The following WDFY4 variants were observed in gnomAD, a reference collection of about 807,000 sequenced individuals.
The protein encoded by WDFY4 is WDFY family member 4.
Under a neutral mutation model 351.9 loss-of-function variants are expected in WDFY4, and 169 were observed. That is an observed-to-expected ratio of 0.48 (90% CI 0.42 to 0.55). WDFY4 has a LOEUF of 0.55. Ranked by LOEUF, WDFY4 falls within the 20% of genes least tolerant of loss-of-function variation. The pLI, the probability that WDFY4 is intolerant of heterozygous loss-of-function variation, is 0.00. For synonymous variants in WDFY4, 1,622 were observed against 1,574.6 expected, an observed-to-expected ratio of 1.03 and a Z score of -0.71; for missense variants, 3,803 against 3,935.6, an observed-to-expected ratio of 0.97 and a Z score of 0.90.
chr10:48,813,846 TC>T, intron 30 of WDFY4, 110 bp from the exon 31 acceptor site: 1 of 1,295,388 alleles, frequency 7.7e-7, no homozygotes, highest in Non-Finnish European at 1.0e-6. Flanking sequence ...GCCAGTGTGC[TC>T]TTTTGCTTTT....
At chr10:48,715,533 C>T (rs1445890148) in intron 2 of WDFY4, among the ~76,000 whole-genome samples, 1 of 152,196 alleles carries the variant, frequency 6.6e-6, no homozygotes, top group Non-Finnish European at 1.5e-5. Context: ...TATGATTGAT[C>T]ATTCTTGTAA....
chr10:48,735,349 T>C (rs2064620589), intron 10 of WDFY4, among the ~76,000 whole-genome samples: 2 of 152,248 alleles, frequency 1.3e-5, no homozygotes, highest in South Asian at 2.1e-4. Context: ...ATTAAATATA[T>C]TCTTAGCTTA....
intron 9 of WDFY4, among the ~76,000 whole-genome samples, chr10:48,732,968 G>C (rs966426364): frequency 8.5e-5 from 13 of 152,232 alleles, no homozygotes; most frequent in African/African-American, 3.1e-4. Flanking sequence ...AATATTTTAT[G>C]AGTTGCTTTC....
chr10:48,839,664 G>A (rs2068528620), intron 39 of WDFY4, among the ~76,000 whole-genome samples: 1 of 152,102 alleles, frequency 6.6e-6, no homozygotes, highest in Admixed American at 6.5e-5. Context: ...AAAAGACAAG[G>A]GAGACTCAGA....
chr10:48,933,868 G>T (rs1840184556), intron 47 of WDFY4, among the ~76,000 whole-genome samples: 1 of 152,096 alleles, frequency 6.6e-6, no homozygotes, highest in South Asian at 2.1e-4. Flanking sequence ...TAGGAAGGGA[G>T]AAAGGGCCTG....
chr10:48,809,423 A>G (rs371896329), intron 28 of WDFY4, among the ~76,000 whole-genome samples: 26 of 151,672 alleles, frequency 1.7e-4, no homozygotes, highest in African/African-American at 6.3e-4. Flanking sequence ...CATCACCACA[A>G]CATTAATCAC....
In WDFY4 at chr10:48,976,820, A is replaced by G; in HGVS notation, c.9132A>G (p.Gly3044=). 6.7e-7 allele frequency: 1 copy of G among 1,494,156 alleles called. No individual in the cohort carries two copies. The highest frequency in any genetic ancestry group is 9.0e-7 in the Non-Finnish European group (1 of 1,115,172). 92.6% of individuals were successfully genotyped at this position (1,494,156 alleles called of 1,614,324 possible). Residue 3044 remains glycine (G), a synonymous_variant, in exon 59 of 62, where the codon GGA becomes GGG. Coordinates refer to ENST00000325239, the MANE Select transcript of WDFY4 (RefSeq NM_001394531.1). ...AGGGCACCATTGTCTCCTGTGCGGGAGCACACTTGTCCCTGTGGAATGTCA... is the reference window on the plus strand; with the variant it reads ...AGGGCACCATTGTCTCCTGTGCGGGGGCACACTTGTCCCTGTGGAATGTCA... ...DVSGTIVSCA[G]AHLSLWNVNG...
At chr10:48,761,270 C>T (rs939581064) in intron 13 of WDFY4, among the ~76,000 whole-genome samples, 6 of 152,162 alleles carry the variant, frequency 3.9e-5, no homozygotes, top group Non-Finnish European at 7.3e-5. Flanking sequence ...TTCTGGGAGC[C>T]TTGCCAATGT....
At chr10:48,768,580 C>T (rs950140210) in intron 13 of WDFY4, among the ~76,000 whole-genome samples, 5 of 152,120 alleles carry the variant, frequency 3.3e-5, no homozygotes, top group Admixed American at 2.0e-4. Flanking sequence ...GGGTTAGGCG[C>T]GCCTATTGTG....
chr10:48,756,410 TTTA>T (rs2065338818), intron 12 of WDFY4, among the ~76,000 whole-genome samples: 1 of 152,030 alleles, frequency 6.6e-6, no homozygotes, highest in Non-Finnish European at 1.5e-5. Context: ...AGTTTTTTTT[TTTA>T]TGGATTCCTT....
At position 48,910,551 on chromosome 10, in the gene WDFY4, G is replaced by A. The variant is rs58115027; in HGVS notation, c.7586+8688G>A. 1.1e-3 allele frequency among the ~76,000 whole-genome samples: 174 copies of A among 152,304 alleles called. 1 individual carries two copies. The highest frequency in any genetic ancestry group is 3.5e-3 in the African/African-American group (145 of 41,556). ...TTGGCAGAAAAAGAAATAGAATGCG[G>A]AAGATGCCTCCTAACTGGTCTCTAT... On this transcript the variant is annotated intron_variant, in intron 47 of 61. Coordinates refer to ENST00000325239, the MANE Select transcript of WDFY4 (RefSeq NM_001394531.1).
At chr10:48,939,297 C>T (rs931843128) in intron 47 of WDFY4, among the ~76,000 whole-genome samples, 4 of 152,360 alleles carry the variant, frequency 2.6e-5, no homozygotes, top group Non-Finnish European at 1.5e-5. Context: ...TGAGTAGCTC[C>T]GTGCCCACAC....
At chr10:48,975,096 A>G in intron 58 of WDFY4, 55 bp downstream of exon 58, 4 of 1,549,914 alleles carry the variant, frequency 2.6e-6, no homozygotes, top group Non-Finnish European at 2.6e-6. Context: ...AGCATGGGGT[A>G]CAACACTCAG....
At chr10:48,921,782 A>G (rs1049445845) in intron 47 of WDFY4, among the ~76,000 whole-genome samples, 1 of 152,224 alleles carries the variant, frequency 6.6e-6, no homozygotes, top group Non-Finnish European at 1.5e-5. Context: ...ATACATTTCA[A>G]GATAGAAATG....
Position 48,890,571 on chromosome 10 carries a change from C to T in WDFY4, c.7168-8C>T, listed in dbSNP as rs1185154968. The T allele has an allele frequency of 1.3e-6, 2 of 1,551,562 alleles. No individual in the cohort carries two copies. The highest frequency in any genetic ancestry group is 1.4e-5 in the African/African-American group (1 of 73,040). On this transcript the variant is annotated splice_region_variant and splice_polypyrimidine_tract_variant and intron_variant, in intron 43 of 61. Coordinates refer to ENST00000325239, the MANE Select transcript of WDFY4 (RefSeq NM_001394531.1). ...GCACCACCTGACTCTGCCACTCTCT[C>T]CTTCCAGGTGACGCAGAAGTTCTCC...
At chr10:48,829,073 C>A (rs2068103764) in intron 37 of WDFY4, among the ~76,000 whole-genome samples, 177 bp downstream of exon 37, 1 of 152,010 alleles carries the variant, frequency 6.6e-6, no homozygotes, top group Admixed American at 6.6e-5. Context: ...CTAGGGTAAT[C>A]ATGTATTAGT....
chr10:48,719,918 C>A, intron 2 of WDFY4, 93 bp from the exon 3 acceptor site: 1 of 1,159,762 alleles, frequency 8.6e-7, no homozygotes, highest in Non-Finnish European at 1.2e-6. Flanking sequence ...GTCGAGCTGT[C>A]AGCTTGGGCT....
intron 1 of WDFY4, among the ~76,000 whole-genome samples, chr10:48,705,858 C>G (rs1047387383): frequency 6.6e-6 from 1 of 152,226 alleles, no homozygotes; most frequent in African/African-American, 2.4e-5. Flanking sequence ...GCTCACTTGA[C>G]TTGCCACTTG....
At chr10:48,793,321 T>TA (rs1384955494) in intron 23 of WDFY4, among the ~76,000 whole-genome samples, 15 of 152,226 alleles carry the variant, frequency 9.9e-5, no homozygotes, top group African/African-American at 3.6e-4. Context: ...ATTGTACACT[T>TA]ACACATGAAG....
Sources: gnomAD v4.1 joint callset for allele counts (sites outside exome capture counted in the v4.1 genomes callset) on GRCh38, gnomAD v4.1.1 for gene constraint, MANE v1.5 for transcripts, NCBI Gene and HGNC (gene_info 2026-07-23, HGNC 2026-07-21) for gene names.